Variants in CRY2 observed in about 807,000 individuals in gnomAD.
CRY2 encodes the protein cryptochrome-2.
A neutral mutation model predicts 69.5 loss-of-function variants in CRY2; 31 were observed. The ratio of observed to expected loss-of-function variants is 0.45; its 90% CI spans 0.34 to 0.60. The LOEUF (loss-of-function observed/expected upper bound fraction) is 0.60. CRY2 is among the 20% of genes least tolerant of loss of function. The pLI, the probability that CRY2 is intolerant of heterozygous loss-of-function variation, is 0.02. For synonymous variants in CRY2, 303 were observed against 312.2 expected (o/e 0.97, Z 0.31); for missense variants, 606 against 797.8 (o/e 0.76, Z 2.90).
chr11:45,871,618 C>A (rs1038472479), intron 10 of CRY2, among the ~76,000 whole-genome samples: 1 of 152,184 alleles, frequency 6.6e-6, no homozygotes, highest in African/African-American at 2.4e-5. Context: ...TGGACAGATT[C>A]GCTGCATTCG....
Position 45,862,132 on chromosome 11 carries a change from A to G in CRY2, c.725A>G (p.Lys242Arg). The stretch of plus-strand genomic sequence containing the variant: ...ACAGAAGCTCTGGCCCGCCTGGATA[A>G]GCACTTGGAACGGAAGGTATGGGCC... ...GETEALARLD[K>R]HLERKAWVAN... Residue 242 changes from lysine to arginine, a missense_variant, in exon 5 of 12, where the codon AAG (lysine) becomes AGG (arginine). Around this residue, in one of 5 missense-constraint regions of CRY2, gnomAD observed 382 missense variants for 508.9 expected, o/e 0.75. Transcript: ENST00000616080. The G allele has an allele frequency of 6.2e-7, 1 of 1,613,814 alleles. No individual in the cohort carries two copies. The highest frequency in any genetic ancestry group is 8.5e-7 in the Non-Finnish European group (1 of 1,179,894).
intron 2 of CRY2, among the ~76,000 whole-genome samples, chr11:45,856,672 T>C (rs1428145714): frequency 6.6e-6 from 1 of 152,038 alleles, no homozygotes; most frequent in African/African-American, 2.4e-5. Flanking sequence ...GGCTGGCACC[T>C]GTAGTCCCAG....
intron 1 of CRY2, among the ~76,000 whole-genome samples, chr11:45,848,067 C>A (rs192758571): frequency 3.5e-4 from 53 of 152,256 alleles, no homozygotes; most frequent in Admixed American, 3.0e-3. Context: ...ACGGTCTACT[C>A]AGGGAGGGGC....
At chr11:45,853,252 G>A (rs1009524104) in intron 1 of CRY2, among the ~76,000 whole-genome samples, 2 of 152,190 alleles carry the variant, frequency 1.3e-5, no homozygotes, top group African/African-American at 4.8e-5. Context: ...GAAACAAGTA[G>A]AATAGTGCCT....
intron 11 of CRY2, among the ~76,000 whole-genome samples, chr11:45,875,422 A>T (rs535952024): frequency 1.8e-4 from 27 of 152,334 alleles, no homozygotes; most frequent in African/African-American, 6.3e-4. Flanking sequence ...AGGATGAATT[A>T]GGCATTGGGC....
At chr11:45,865,816 T>C (rs760164891) in intron 5 of CRY2, among the ~76,000 whole-genome samples, 1 of 152,194 alleles carries the variant, frequency 6.6e-6, no homozygotes, top group African/African-American at 2.4e-5. Context: ...TCATGAAGAT[T>C]TGGGCTCTGT....
At chr11:45,847,452 C>G (rs775009877), upstream of CRY2, 19 of 1,593,696 alleles carry the variant, frequency 1.2e-5, no homozygotes, top group Non-Finnish European at 1.5e-5. Context: ...CGTCGCCTAC[C>G]GGGGCGGAGC....
chr11:45,856,133 C>A (rs771233272), intron 2 of CRY2, 43 bp downstream of exon 2: 1 of 1,484,460 alleles, frequency 6.7e-7, no homozygotes, highest in Non-Finnish European at 9.4e-7. Flanking sequence ...GATTCTGTCC[C>A]TGACGGTTTC....
intron 4 of CRY2, chr11:45,861,269 G>C (rs2086286056): frequency 2.0e-6 from 1 of 495,472 alleles, no homozygotes; most frequent in Non-Finnish European, 3.6e-6. Context: ...TCTGGTTCTA[G>C]ATCATGCCTC....
chr11:45,859,581 T>A (rs1358937067), intron 3 of CRY2, among the ~76,000 whole-genome samples: 1 of 146,766 alleles, frequency 6.8e-6, no homozygotes, highest in African/African-American at 2.5e-5. Context: ...AAAAAAAGAG[T>A]TCCCAGGTTC....
chr11:45,857,343 G>A (rs1017844065), intron 2 of CRY2, among the ~76,000 whole-genome samples: 5 of 152,120 alleles, frequency 3.3e-5, no homozygotes, highest in Non-Finnish European at 7.4e-5. Flanking sequence ...AATAAGTGAC[G>A]ATCTTGGATT....
chr11:45,847,200 C>A (rs2086155169), upstream of CRY2: 2 of 1,550,232 alleles, frequency 1.3e-6, no homozygotes, highest in African/African-American at 1.4e-5. Flanking sequence ...CCCGGCACTC[C>A]GCGGACAGCC....
chr11:45,870,076 T>G lies in CRY2; in HGVS notation c.1218T>G (p.Asp406Glu). Residue 406 changes from aspartate (D) to glutamate (E), a missense_variant, in exon 8 of 12, where the codon GAT (aspartate) becomes GAG (glutamate). Physicochemically the swap from Asp to Glu is conservative, Grantham distance 45. Around this residue, in one of 5 missense-constraint regions of CRY2, gnomAD observed 382 missense variants for 508.9 expected, o/e 0.75. Transcript: ENST00000616080. ...GVRVFDELLL[D>E]ADFSVNAGSW... ...AGGTATTTGATGAGCTGCTCCTGGA[T>G]GCAGATTTCAGCGTGAACGCAGGCA... The G allele has an allele frequency of 6.2e-7, 1 of 1,609,104 alleles. No homozygotes were observed. The highest frequency in any genetic ancestry group is 8.5e-7 in the Non-Finnish European group (1 of 1,177,206).
chr11:45,852,746 A>G (rs1172454619), intron 1 of CRY2, among the ~76,000 whole-genome samples: 4 of 152,264 alleles, frequency 2.6e-5, no homozygotes, highest in Non-Finnish European at 5.9e-5. Flanking sequence ...AACTTGTAAC[A>G]GAGACTAGAA....
intron 4 of CRY2, 137 bp from the exon 5 acceptor site, chr11:45,861,923 T>G: frequency 2.7e-6 from 2 of 743,834 alleles, no homozygotes; most frequent in Non-Finnish European, 4.4e-6. Context: ...ACGCTAAAAC[T>G]TTAAGGATTA....
intron 4 of CRY2, 50 bp from the exon 5 acceptor site, chr11:45,862,010 A>C (rs771433070): frequency 4.0e-6 from 6 of 1,504,026 alleles, no homozygotes; most frequent in Non-Finnish European, 4.6e-6. Flanking sequence ...GTGCCGGGCT[A>C]TCACTGAAAT....
intron 2 of CRY2, 156 bp downstream of exon 2, chr11:45,856,246 GC>G: frequency 3.1e-6 from 2 of 635,268 alleles, no homozygotes; most frequent in Non-Finnish European, 5.4e-6. Context: ...CAGCCAGTTA[GC>G]TTGCTCTTGG....
rs1039343181 is a variant in CRY2 at position 45,870,518 on chromosome 11, G to A, written c.1535G>A (p.Arg512His). ...AAGCAGATTTACCAGCAGCTTTCGCGCTACCGGGGACTCTGTAAGGAGACA... is the reference window on the plus strand; with the variant it reads ...AAGCAGATTTACCAGCAGCTTTCGCACTACCGGGGACTCTGTAAGGAGACA... ...RMKQIYQQLS[R>H]YRGLCLLASV... The change falls in exon 9 of 12, where the codon CGC (arginine) becomes CAC (histidine). Residue 512 changes from arginine to histidine, a missense_variant. Physicochemically the swap from Arg to His is conservative, Grantham distance 29. Coordinates refer to ENST00000616080, the MANE Select transcript of CRY2 (RefSeq NM_021117.5). 15 of 1,614,046 alleles carry A rather than the reference G, an allele frequency of 9.3e-6. No homozygotes were observed. Among genetic ancestry groups the A allele is most frequent in the Non-Finnish European group, 1.3e-5 (15 of 1,180,012 alleles).
intron 11 of CRY2, among the ~76,000 whole-genome samples, chr11:45,880,506 C>T (rs1484968621): frequency 6.6e-6 from 1 of 152,166 alleles, no homozygotes; most frequent in Non-Finnish European, 1.5e-5. Context: ...CTGGTCCCAG[C>T]GGGCTTCTCT....
Sources: gnomAD v4.1 joint callset for allele counts (sites outside exome capture counted in the v4.1 genomes callset) on GRCh38, gnomAD v4.1.1 for gene constraint, gnomAD v4.1.1 regional missense constraint, MANE v1.5 for transcripts, NCBI Gene and HGNC (gene_info 2026-07-23, HGNC 2026-07-21) for gene names.